The following ACSM1 variants were observed in gnomAD, a reference collection of about 807,000 sequenced individuals.
ACSM1 encodes the protein acyl-CoA synthetase medium chain family member 1.
Under a neutral mutation model 75.8 loss-of-function variants are expected in ACSM1, and 79 were observed. The ratio of observed to expected loss-of-function variants is 1.04; its 90% CI spans 0.87 to 1.26. ACSM1 has a LOEUF of 1.26. Ranked by LOEUF, ACSM1 falls within the 50% of genes most tolerant of loss-of-function variation. The pLI is 0.00. For synonymous variants in ACSM1, 279 were observed against 265.8 expected, an observed-to-expected ratio of 1.05 and a Z score of -0.48; for missense variants, 676 against 720.1, an observed-to-expected ratio of 0.94 and a Z score of 0.70.
chr16:20,646,386 A>G (rs2018361431), intron 7 of ACSM1, among the ~76,000 whole-genome samples: 1 of 152,230 alleles, frequency 6.6e-6, no homozygotes, highest in South Asian at 2.1e-4. Flanking sequence ...ATGATCCAGC[A>G]GCAGGACTGA....
intron 6 of ACSM1, 26 bp downstream of exon 6, chr16:20,669,801 T>G (rs2019790062): frequency 6.2e-7 from 1 of 1,601,796 alleles, no homozygotes; most frequent in East Asian, 2.2e-5. Flanking sequence ...GGAATTTTGC[T>G]GATAGGGGAA....
At chr16:20,696,174 A>C (rs1393655415) in intron 1 of ACSM1, among the ~76,000 whole-genome samples, 1 of 152,188 alleles carries the variant, frequency 6.6e-6, no homozygotes, top group Non-Finnish European at 1.5e-5. Context: ...GTGTAAGTAC[A>C]CTCTATGAGT....
At chr16:20,627,118 T>A in intron 11 of ACSM1, 71 bp downstream of exon 11, 1 of 1,450,796 alleles carries the variant, frequency 6.9e-7, no homozygotes, top group Non-Finnish European at 9.0e-7. Flanking sequence ...CGTGAAAAAA[T>A]GTCTAGGTAA....
intron 10 of ACSM1, among the ~76,000 whole-genome samples, 196 bp downstream of exon 10, chr16:20,636,543 C>G (rs1330457582): frequency 6.6e-6 from 1 of 152,204 alleles, no homozygotes; most frequent in East Asian, 1.9e-4. Context: ...CTTCATTCTA[C>G]CCCAACATCC....
At chr16:20,659,608 A>G (rs2019189361) in intron 7 of ACSM1, among the ~76,000 whole-genome samples, 1 of 152,180 alleles carries the variant, frequency 6.6e-6, no homozygotes, top group South Asian at 2.1e-4. Context: ...TTTCTCCGCC[A>G]TATCTTGAAA....
rs548790735 is a variant in ACSM1 at position 20,691,536 on chromosome 16, G to A, written c.-51-297C>T. ...TGGAAGCCATATGGTCATCCCTTTT[G>A]TGGTAGAGCAACTCGCCTTTTGGAA... On this transcript the variant is annotated intron_variant, in intron 1 of 13. Transcript: ENST00000520010. Among the ~76,000 whole-genome samples, 87 of 152,216 alleles carry A rather than the reference G, an allele frequency of 5.7e-4. 1 individual carries two copies. The Middle Eastern group carries it at 0.024, about 42-fold the overall frequency.
At chr16:20,671,447 AC>A in intron 5 of ACSM1, 83 bp downstream of exon 5, 4 of 1,154,940 alleles carry the variant, frequency 3.5e-6, no homozygotes, top group Non-Finnish European at 3.5e-6. Context: ...CAAGACACAC[AC>A]ACACACACAC....
At chr16:20,626,958 TCTTATTATGG>T (rs904588785) in intron 11 of ACSM1, among the ~76,000 whole-genome samples, 8 of 151,940 alleles carry the variant, frequency 5.3e-5, no homozygotes, top group Non-Finnish European at 1.2e-4. Context: ...TTGCACAGTG[TCTTATTATGG>T]CTCCTCTTCC....
At chr16:20,671,497 G>A (rs1426754501) in intron 5 of ACSM1, 34 bp downstream of exon 5, 2 of 1,564,550 alleles carry the variant, frequency 1.3e-6, no homozygotes, top group Non-Finnish European at 1.7e-6. Flanking sequence ...CCCACATCTG[G>A]GTCCAGCCTC....
chr16:20,689,151 A>G (rs1376025654), intron 2 of ACSM1, among the ~76,000 whole-genome samples: 2 of 151,650 alleles, frequency 1.3e-5, no homozygotes, highest in African/African-American at 4.8e-5. Flanking sequence ...GGATTTTTAC[A>G]TTTAATTTTC....
At chr16:20,693,841 T>C (rs1024876236) in intron 1 of ACSM1, among the ~76,000 whole-genome samples, 2 of 152,196 alleles carry the variant, frequency 1.3e-5, no homozygotes, top group African/African-American at 2.4e-5. Context: ...AATTTTAATA[T>C]TGTAAAAAGT....
chr16:20,627,351 G>C lies in ACSM1; in HGVS notation c.1300-35C>G, dbSNP rs181356222. 124 of 1,547,218 alleles carry C rather than the reference G, an allele frequency of 8.0e-5. No homozygotes were observed. The African/African-American group carries it at 1.4e-3, about 17-fold the overall frequency. On this transcript the variant is annotated intron_variant, in intron 10 of 13. Transcript: ENST00000520010. ...GAAGAGAGCTCCTTTGTTGAAGGCA[G>C]TGAATTTAGAGGTGATGAGCCACAA... is the stretch of plus-strand genomic sequence containing the variant.
At chr16:20,645,875 C>G (rs1485494407) in intron 7 of ACSM1, among the ~76,000 whole-genome samples, 1 of 152,082 alleles carries the variant, frequency 6.6e-6, no homozygotes, top group Non-Finnish European at 1.5e-5. Flanking sequence ...GAAGAAAATC[C>G]TACTGCTCTT....
intron 7 of ACSM1, among the ~76,000 whole-genome samples, chr16:20,644,980 C>T (rs1001606625): frequency 1.3e-5 from 2 of 152,132 alleles, no homozygotes; most frequent in African/African-American, 4.8e-5. Flanking sequence ...AAAACATTGC[C>T]TACATCCTCT....
Position 20,669,961 on chromosome 16 carries a change from A to C in ACSM1, c.778T>G (p.Ser260Ala). 6.2e-7 allele frequency: 1 copy of C among 1,613,828 alleles called. No homozygotes were observed. The highest frequency in any genetic ancestry group is 1.7e-5 in the Admixed American group (1 of 59,954). ...TCCGACAGGCACCAGGAGACATCAG[A>C]TGTCTTCAGGCTCCGTAATTTCCTA... ...GSRKLRSLKT[S>A]DVSWCLSDSG... The change falls in exon 6 of 14, where the codon TCT becomes GCT. Residue 260 changes from serine (S) to alanine (A), a missense_variant. Coordinates refer to ENST00000520010, the MANE Select transcript of ACSM1 (RefSeq NM_001318890.3).
chr16:20,632,101 G>T (rs2017380656), intron 10 of ACSM1, among the ~76,000 whole-genome samples: 1 of 152,078 alleles, frequency 6.6e-6, no homozygotes, highest in African/African-American at 2.4e-5. Flanking sequence ...ATATGAATCT[G>T]GGGGACACAC....
chr16:20,637,224 C>G, intron 9 of ACSM1, 147 bp downstream of exon 9: 1 of 805,762 alleles, frequency 1.2e-6, no homozygotes, highest in Non-Finnish European at 2.2e-6. Context: ...CAACTGAGGC[C>G]TCCATATGAA....
intron 7 of ACSM1, among the ~76,000 whole-genome samples, chr16:20,657,649 C>T (rs1308369311): frequency 1.3e-5 from 2 of 151,942 alleles, no homozygotes; most frequent in African/African-American, 2.4e-5. Flanking sequence ...GGTACATGTG[C>T]ACAACGTGCA....
At chr16:20,658,638 CT>C (rs2019125167) in intron 7 of ACSM1, among the ~76,000 whole-genome samples, 1 of 152,238 alleles carries the variant, frequency 6.6e-6, no homozygotes, top group African/African-American at 2.4e-5. Context: ...GTGACAAAAC[CT>C]TTTCTCTCCC....
Sources: allele counts gnomAD v4.1 joint callset (sites outside exome capture counted in the v4.1 genomes callset), GRCh38; gene constraint gnomAD v4.1.1; transcripts MANE v1.5; gene names NCBI Gene and HGNC (gene_info 2026-07-23, HGNC 2026-07-21).